The following CCDC192 variants were observed in gnomAD, a reference collection of about 807,000 sequenced individuals.
CCDC192 encodes coiled-coil domain-containing protein 192.
At chr5:127,918,216 T>TAAAAAAAAAAAAAAAAAAAAAAAAAAAA (rs1219307107) in intron 6 of CCDC192, among the ~76,000 whole-genome samples, 6 of 100,400 alleles carry the variant, frequency 6.0e-5, no homozygotes, top group African/African-American at 2.7e-4. Context: ...CTTCAATTTG[T>TAAAAAAAAAAAAAAAAAAAAAAAAAAAA]AAAAAAAAAA....
intron 5 of CCDC192, among the ~76,000 whole-genome samples, chr5:127,853,265 C>G (rs1310675098): frequency 6.6e-6 from 1 of 152,150 alleles, no homozygotes; most frequent in African/African-American, 2.4e-5. Context: ...GAATGGGATC[C>G]TCAGTATCCC....
intron 3 of CCDC192, among the ~76,000 whole-genome samples, chr5:127,764,756 A>G (rs1312455853): frequency 3.3e-5 from 5 of 152,160 alleles, no homozygotes; most frequent in African/African-American, 1.2e-4. Context: ...AAAATTCACA[A>G]AAAACCTCAT....
chr5:127,770,805 A>G (rs769402451), intron 3 of CCDC192, among the ~76,000 whole-genome samples: 12 of 152,146 alleles, frequency 7.9e-5, no homozygotes, highest in Non-Finnish European at 1.6e-4. Flanking sequence ...GCATTATATT[A>G]TGCAGGAACA....
At chr5:127,747,098 T>C (rs1409504433) in intron 2 of CCDC192, among the ~76,000 whole-genome samples, 5 of 151,266 alleles carry the variant, frequency 3.3e-5, no homozygotes, top group Non-Finnish European at 7.4e-5. Context: ...TGTTTCTTTT[T>C]TATTTATTTA....
At chr5:127,914,413 A>G (rs997625453) in intron 6 of CCDC192, among the ~76,000 whole-genome samples, 30 of 152,198 alleles carry the variant, frequency 2.0e-4, no homozygotes, top group African/African-American at 6.5e-4. Context: ...CAAATATAAT[A>G]ATATTTACAC....
chr5:127,735,589 C>T (rs1752933630), intron 2 of CCDC192, among the ~76,000 whole-genome samples: 1 of 104,366 alleles, frequency 9.6e-6, no homozygotes, highest in Non-Finnish European at 1.9e-5. Flanking sequence ...TTGTTTGTAT[C>T]CTCTTTTATT....
rs564605938 is a variant in CCDC192, at chr5:127,831,770, C to T, written c.411+33608C>T. On this transcript the variant is annotated intron_variant, in intron 5 of 6. Coordinates refer to ENST00000514853, the MANE Select transcript of CCDC192 (RefSeq NM_001317938.2). ...TACACACATATGTACACACATACTC[C>T]TGATTAACATATGATCTTTAAATAT... Among the ~76,000 whole-genome samples, 62 of 151,958 alleles carry T rather than the reference C, an allele frequency of 4.1e-4. 1 individual carries two copies. The South Asian group carries it at 0.012, about 29-fold the overall frequency.
intron 2 of CCDC192, among the ~76,000 whole-genome samples, chr5:127,751,965 T>G (rs1754205588): frequency 6.6e-6 from 1 of 152,046 alleles, no homozygotes; most frequent in Non-Finnish European, 1.5e-5. Flanking sequence ...TTCAGCTCCA[T>G]CAGCTCCTTT....
chr5:127,727,446 T>A (rs1372930054), intron 2 of CCDC192, among the ~76,000 whole-genome samples: 1 of 151,212 alleles, frequency 6.6e-6, no homozygotes, highest in Non-Finnish European at 1.5e-5. Context: ...CACTTCAGCC[T>A]GGGCAACAAG....
At chr5:127,761,107 AC>A (rs1450549877) in intron 3 of CCDC192, among the ~76,000 whole-genome samples, 1 of 152,196 alleles carries the variant, frequency 6.6e-6, no homozygotes, top group African/African-American at 2.4e-5. Context: ...TATTGCAAGA[AC>A]CTAATTTGGG....
chr5:127,791,959 CAGG>C (rs1756887752), intron 3 of CCDC192, among the ~76,000 whole-genome samples: 1 of 152,142 alleles, frequency 6.6e-6, no homozygotes, highest in Admixed American at 6.5e-5. Flanking sequence ...TAAGGAAAAT[CAGG>C]AGAATGATGT....
chr5:127,771,360 T>C (rs1218968191), intron 3 of CCDC192, among the ~76,000 whole-genome samples: 1 of 152,226 alleles, frequency 6.6e-6, no homozygotes, highest in Non-Finnish European at 1.5e-5. Context: ...AATTTTTATG[T>C]GCCTTTTTAA....
intron 2 of CCDC192, among the ~76,000 whole-genome samples, chr5:127,749,776 T>C (rs527382842): frequency 6.6e-6 from 1 of 152,342 alleles, no homozygotes; most frequent in East Asian, 1.9e-4. Context: ...TATTGATTAT[T>C]GCCACAATTT....
chr5:127,791,154 C>T (rs1756843966), intron 3 of CCDC192, among the ~76,000 whole-genome samples: 1 of 152,132 alleles, frequency 6.6e-6, no homozygotes, highest in African/African-American at 2.4e-5. Flanking sequence ...GGACAACATT[C>T]ATCTGAAAAA....
intron 3 of CCDC192, among the ~76,000 whole-genome samples, chr5:127,776,366 G>A (rs908056630): frequency 1.3e-5 from 2 of 152,144 alleles, no homozygotes; most frequent in African/African-American, 2.4e-5. Context: ...AATAATTTAG[G>A]GTATCTAGCA....
rs565758714 is a variant in CCDC192, at chr5:127,723,159, A to G, written c.114+15399A>G. ...ACTAATGTTTTATAGTTTTCATTGTACAAATCTTTCATTTATTTGGCTAAG... is the reference window on the plus strand; with the variant it reads ...ACTAATGTTTTATAGTTTTCATTGTGCAAATCTTTCATTTATTTGGCTAAG... On this transcript the variant is annotated intron_variant, in intron 2 of 6. Coordinates refer to ENST00000514853, the MANE Select transcript of CCDC192 (RefSeq NM_001317938.2). 1.4e-4 allele frequency among the ~76,000 whole-genome samples: 21 copies of G among 152,206 alleles called. No homozygotes were observed. The South Asian group carries it at 2.3e-3, about 17-fold the overall frequency.
intron 6 of CCDC192, among the ~76,000 whole-genome samples, chr5:127,931,651 G>T (rs1754032223): frequency 6.6e-6 from 1 of 152,044 alleles, no homozygotes; most frequent in East Asian, 1.9e-4. Flanking sequence ...AGATTTCCTT[G>T]GGAAGCTCTG....
At chr5:127,794,729 GAATA>G (rs908526624) in intron 3 of CCDC192, among the ~76,000 whole-genome samples, 9 of 152,022 alleles carry the variant, frequency 5.9e-5, no homozygotes, top group Admixed American at 4.6e-4. Flanking sequence ...TTGAGTGAAT[GAATA>G]AAGGCTTTCA....
At chr5:127,826,880 T>A (rs1161761607) in intron 5 of CCDC192, among the ~76,000 whole-genome samples, 1 of 152,122 alleles carries the variant, frequency 6.6e-6, no homozygotes, top group Non-Finnish European at 1.5e-5. Flanking sequence ...CTCAAGCTTC[T>A]CCATCTCCAA....
Sources: allele counts gnomAD v4.1 joint callset (sites outside exome capture counted in the v4.1 genomes callset), GRCh38; gene constraint gnomAD v4.1.1; transcripts MANE v1.5; gene names NCBI Gene and HGNC (gene_info 2026-07-23, HGNC 2026-07-21).